Variants in FHIT observed in about 807,000 individuals in gnomAD.
FHIT encodes fragile histidine triad diadenosine triphosphatase.
In FHIT, 19 loss-of-function variants were observed where a neutral mutation model predicts 17.9. That is an observed-to-expected ratio of 1.06 (90% CI 0.74 to 1.56). FHIT has a LOEUF of 1.56. Among genes scored for constraint, FHIT ranks in the 40% most tolerant of loss-of-function variants. FHIT has a pLI of 0.00. For missense variants in FHIT, 248 were observed against 189.2 expected, an observed-to-expected ratio of 1.31 and a Z score of -1.82; for synonymous variants, 81 against 69.7, an observed-to-expected ratio of 1.16 and a Z score of -0.81.
chr3:60,292,689 G>A (rs946826964), intron 5 of FHIT, among the ~76,000 whole-genome samples: 16 of 152,052 alleles, frequency 1.1e-4, no homozygotes, highest in Non-Finnish European at 2.2e-4. Context: ...ACCAACTAAC[G>A]AAGACAGGAA....
intron 5 of FHIT, among the ~76,000 whole-genome samples, chr3:60,204,842 A>C (rs1703096344): frequency 6.6e-6 from 1 of 152,180 alleles, no homozygotes; most frequent in African/African-American, 2.4e-5. Flanking sequence ...ATCAATATTT[A>C]AAAAGTACAT....
intron 5 of FHIT, among the ~76,000 whole-genome samples, chr3:60,180,722 A>G (rs1701891642): frequency 6.6e-6 from 1 of 152,164 alleles, no homozygotes; most frequent in Non-Finnish European, 1.5e-5. Context: ...TTTTTCACAG[A>G]TAAGCATTTA....
intron 7 of FHIT, among the ~76,000 whole-genome samples, chr3:59,947,844 T>C (rs1359480868): frequency 2.0e-5 from 3 of 152,216 alleles, no homozygotes; most frequent in Non-Finnish European, 4.4e-5. Context: ...GGCAGAATGG[T>C]GGGTGTATGC....
chr3:61,094,101 T>A (rs1429106653), intron 2 of FHIT, among the ~76,000 whole-genome samples: 1 of 148,536 alleles, frequency 6.7e-6, no homozygotes, highest in Non-Finnish European at 1.5e-5. Context: ...TATGCACATA[T>A]ATACATGTAT....
intron 4 of FHIT, among the ~76,000 whole-genome samples, chr3:60,666,222 T>C (rs1559625066): frequency 6.6e-6 from 1 of 152,310 alleles, no homozygotes; most frequent in East Asian, 1.9e-4. Context: ...TAAGATTTCA[T>C]CTTGTATTGT....
chr3:60,773,791 T>A (rs1479372582), intron 4 of FHIT, among the ~76,000 whole-genome samples: 2 of 152,266 alleles, frequency 1.3e-5, no homozygotes, highest in East Asian at 3.8e-4. Flanking sequence ...GAGAAATTAT[T>A]GTGACTTATT....
chr3:61,066,308 T>C (rs927639111), intron 2 of FHIT, among the ~76,000 whole-genome samples: 1 of 152,108 alleles, frequency 6.6e-6, no homozygotes, highest in African/African-American at 2.4e-5. Flanking sequence ...AACACAGCAT[T>C]CATCTTCTTA....
chr3:60,927,248 G>C (rs7649524), intron 3 of FHIT, among the ~76,000 whole-genome samples: 1 of 151,938 alleles, frequency 6.6e-6, no homozygotes, highest in Non-Finnish European at 1.5e-5. Flanking sequence ...TGATCTGCCC[G>C]CCTCGGCCTC....
chr3:60,414,416 T>C (rs1359377175), intron 5 of FHIT, among the ~76,000 whole-genome samples: 1 of 152,188 alleles, frequency 6.6e-6, no homozygotes, highest in African/African-American at 2.4e-5. Flanking sequence ...CCCTGACACA[T>C]GCTCAGTGAC....
intron 7 of FHIT, among the ~76,000 whole-genome samples, chr3:59,950,700 T>G (rs955296584): frequency 1.3e-5 from 2 of 152,152 alleles, no homozygotes; most frequent in Non-Finnish European, 2.9e-5. Flanking sequence ...CACTGTAGCC[T>G]CCAGGAGGGA....
chr3:60,248,492 G>C lies in FHIT; in HGVS notation c.104-234340C>G, dbSNP rs1403883585. ...GGCTTTATTCAGAAAGAGAACAAAG[G>C]AGAGAAGGCAGGTAAAGGACACAGC... On this transcript the variant is annotated intron_variant, in intron 5 of 9. Coordinates refer to ENST00000492590, the MANE Select transcript of FHIT (RefSeq NM_002012.4). 2.0e-5 allele frequency among the ~76,000 whole-genome samples: 3 copies of C among 152,128 alleles called. No homozygotes were observed. In the East Asian group the frequency reaches 5.8e-4, roughly 29 times the overall value.
intron 5 of FHIT, among the ~76,000 whole-genome samples, chr3:60,520,240 GT>G (rs747756039): frequency 9.3e-5 from 14 of 151,178 alleles, no homozygotes; most frequent in South Asian, 2.1e-4. Flanking sequence ...TTTCTAGCTA[GT>G]TTTTTTTCAA....
At chr3:60,250,414 G>A (rs887916641) in intron 5 of FHIT, among the ~76,000 whole-genome samples, 1 of 152,146 alleles carries the variant, frequency 6.6e-6, no homozygotes, top group African/African-American at 2.4e-5. Flanking sequence ...GCTGCCAAAT[G>A]GAGAGGAAAG....
intron 1 of FHIT, among the ~76,000 whole-genome samples, chr3:61,204,767 T>A (rs2039156140): frequency 6.6e-6 from 1 of 152,216 alleles, no homozygotes; most frequent in Admixed American, 6.5e-5. Flanking sequence ...TAAGTTATTG[T>A]TAGGCATGAC....
chr3:59,791,060 ACT>A (rs1699535707), intron 8 of FHIT, among the ~76,000 whole-genome samples: 1 of 152,050 alleles, frequency 6.6e-6, no homozygotes. Flanking sequence ...AATGCTTCGT[ACT>A]TAGGCCTGTT....
intron 3 of FHIT, among the ~76,000 whole-genome samples, chr3:61,039,296 T>C (rs1284582194): frequency 1.3e-5 from 2 of 152,148 alleles, no homozygotes; most frequent in East Asian, 3.9e-4. Context: ...GAACGTTTTA[T>C]AGAGATTACT....
Position 61,113,726 on chromosome 3 carries a change from A to C in FHIT, c.-163-71627T>G, listed in dbSNP as rs142958291. On this transcript the variant is annotated intron_variant, in intron 2 of 9. Coordinates refer to ENST00000492590, the MANE Select transcript of FHIT (RefSeq NM_002012.4). ...CAGGACCATGTCTATCTTTGCCCCC[A>C]TTGTAACCCCAGCCTCTAACATAAC... 6.4e-4 allele frequency among the ~76,000 whole-genome samples: 97 copies of C among 152,252 alleles called. 2 individuals carry two copies. The highest frequency in any genetic ancestry group is 2.2e-3 in the African/African-American group (90 of 41,558).
intron 5 of FHIT, among the ~76,000 whole-genome samples, chr3:60,153,579 T>C (rs1700560728): frequency 1.3e-5 from 2 of 152,166 alleles, no homozygotes; most frequent in Admixed American, 6.5e-5. Context: ...TGGGGCACAA[T>C]ACCCAGGCAC....
At chr3:59,756,039 G>A (rs1288421986) in intron 8 of FHIT, among the ~76,000 whole-genome samples, 3 of 152,146 alleles carry the variant, frequency 2.0e-5, no homozygotes, top group African/African-American at 7.2e-5. Flanking sequence ...ACATAGTTAA[G>A]TGGTATTTAA....
Sources: allele counts gnomAD v4.1 joint callset (sites outside exome capture counted in the v4.1 genomes callset), GRCh38; gene constraint gnomAD v4.1.1; transcripts MANE v1.5; gene names NCBI Gene and HGNC (gene_info 2026-07-23, HGNC 2026-07-21).